Variants in SLC17A3 observed in about 807,000 individuals in gnomAD.
The protein encoded by SLC17A3 is solute carrier family 17 member 3, also known as sodium-dependent phosphate transport protein 4.
In SLC17A3, 61 loss-of-function variants were observed where a neutral mutation model predicts 60.3. That is an observed-to-expected ratio of 1.01 (90% CI 0.82 to 1.25). The LOEUF (loss-of-function observed/expected upper bound fraction) is 1.25. Among genes scored for constraint, SLC17A3 ranks in the 50% most tolerant of loss-of-function variants. The pLI is 0.00. For synonymous variants in SLC17A3, 192 were observed against 208.9 expected, an observed-to-expected ratio of 0.92 and a Z score of 0.70; for missense variants, 624 against 594.9, an observed-to-expected ratio of 1.05 and a Z score of -0.51.
chr6:25,865,304 G>A (rs1325912119), intron 2 of SLC17A3, among the ~76,000 whole-genome samples: 1 of 151,934 alleles, frequency 6.6e-6, no homozygotes, highest in Non-Finnish European at 1.5e-5. Context: ...GGGATAAAGA[G>A]GTGCCTTGAG....
rs1178486612 is a variant in SLC17A3, at chr6:25,862,359, C to T, written c.177G>A (p.Met59Ile). ...NFTTIAQNVI[M>I]NITMVAMVNS... ...TGACCATGGCTACCATGGTGATGTT[C>T]ATGATGACATTTTGTGCTATCGTTG... The change falls in exon 3 of 13, where the codon ATG (methionine) becomes ATA (isoleucine). Residue 59 changes from methionine to isoleucine, a missense_variant. By Grantham distance (10) the Met-to-Ile change is conservative. Transcript: ENST00000397060. The T allele has an allele frequency of 3.1e-6, 5 of 1,613,718 alleles. No homozygotes were observed. Among genetic ancestry groups the T allele is most frequent in the Non-Finnish European group, 4.2e-6 (5 of 1,179,744 alleles).
At chr6:25,861,556 A>G in intron 5 of SLC17A3, 68 bp downstream of exon 5, 2 of 1,265,230 alleles carry the variant, frequency 1.6e-6, no homozygotes, top group Non-Finnish European at 2.3e-6. Context: ...ATGCAATGAA[A>G]AGTTGTCAAG....
intron 1 of SLC17A3, among the ~76,000 whole-genome samples, chr6:25,873,344 T>G (rs1171723015): frequency 2.0e-5 from 3 of 152,118 alleles, no homozygotes; most frequent in Admixed American, 6.6e-5. Context: ...TATTGCACTC[T>G]GAGAAGTTTC....
rs1301094535 is a variant in SLC17A3 at position 25,850,453 on chromosome 6, A to T, written c.993+6T>A. ...AGGAGAAAGGAAGGGAAGGAAACATACTCACGTCTCTGATGTTAACATGGT... is the reference window on the plus strand; with the variant it reads ...AGGAGAAAGGAAGGGAAGGAAACATTCTCACGTCTCTGATGTTAACATGGT... On this transcript the variant is annotated splice_donor_region_variant and intron_variant, in intron 8 of 12. Transcript: ENST00000397060. The T allele has an allele frequency of 1.2e-6, 2 of 1,613,382 alleles. No individual in the cohort carries two copies. The highest frequency in any genetic ancestry group is 2.2e-5 in the South Asian group (2 of 91,042).
chr6:25,858,103 C>A (rs1301131944), intron 5 of SLC17A3, among the ~76,000 whole-genome samples: 2 of 152,082 alleles, frequency 1.3e-5, no homozygotes, highest in African/African-American at 4.8e-5. Flanking sequence ...GCAACCTCTG[C>A]CTCCTGGGTT....
At chr6:25,867,118 CA>C (rs1765548971) in intron 2 of SLC17A3, among the ~76,000 whole-genome samples, 2 of 151,964 alleles carry the variant, frequency 1.3e-5, no homozygotes, top group Non-Finnish European at 2.9e-5. Flanking sequence ...AAACACTTTG[CA>C]ATCCTTGATC....
Position 25,857,604 on chromosome 6 carries a change from C to T in SLC17A3, c.626-2374G>A, listed in dbSNP as rs780013810. ...AGTCACTTATTTACTTGTGTTGCCTCATTTAAGCCCTAGTAGTCAGATTTA... is the reference window on the plus strand; with the variant it reads ...AGTCACTTATTTACTTGTGTTGCCTTATTTAAGCCCTAGTAGTCAGATTTA... On this transcript the variant is annotated intron_variant, in intron 5 of 12. Coordinates refer to ENST00000397060, the MANE Select transcript of SLC17A3 (RefSeq NM_001098486.2). Among the ~76,000 whole-genome samples, 5 of 151,460 alleles carry T rather than the reference C, an allele frequency of 3.3e-5. No homozygotes were observed. The South Asian group carries it at 1.0e-3, about 31-fold the overall frequency.
chr6:25,846,764 C>T (rs1765181279), intron 11 of SLC17A3, among the ~76,000 whole-genome samples: 1 of 152,122 alleles, frequency 6.6e-6, no homozygotes, highest in Non-Finnish European at 1.5e-5. Context: ...GTATGCACCA[C>T]CACATCCGGC....
In SLC17A3 at chr6:25,859,012, T is replaced by C. The variant is rs146464750; in HGVS notation, c.625+2612A>G. On this transcript the variant is annotated intron_variant, in intron 5 of 12. Coordinates refer to ENST00000397060, the MANE Select transcript of SLC17A3 (RefSeq NM_001098486.2). ...AGACACTGTAATGTGTTTGCTGTAT[T>C]ATATGAGAATATTCATTTCTACCTT... is the stretch of plus-strand genomic sequence containing the variant. 8.6e-3 allele frequency among the ~76,000 whole-genome samples: 1,306 copies of C among 152,322 alleles called. 5 individuals carry two copies. Among genetic ancestry groups the C allele is most frequent in the Non-Finnish European group, 0.013 (853 of 68,032 alleles).
chr6:25,849,709 T>A (rs1374864663), intron 10 of SLC17A3, 96 bp downstream of exon 10: 5 of 1,394,466 alleles, frequency 3.6e-6, no homozygotes, highest in Non-Finnish European at 5.1e-6. Context: ...TCTTCCCCTA[T>A]GGTTTATTCA....
At position 25,849,421 on chromosome 6, in the gene SLC17A3, T is replaced by C; in HGVS notation, c.1315A>G (p.Ile439Val). Reference protein sequence around the residue: ...LMGASRGFSSIAPVIVPTVSG... With the variant: ...LMGASRGFSSVAPVIVPTVSG... ...ACAGTGGGTACAATGACAGGTGCTA[T>C]GCTCGAAAATCCTCTTGATGCTCCC... is the stretch of plus-strand genomic sequence containing the variant. The change falls in exon 11 of 13, where the codon ATA (isoleucine) becomes GTA (valine). Residue 439 changes from isoleucine to valine, a missense_variant. By Grantham distance (29) the Ile-to-Val change is conservative (BLOSUM62 3). Coordinates refer to ENST00000397060, the MANE Select transcript of SLC17A3 (RefSeq NM_001098486.2). 4 of 1,613,266 alleles carry C rather than the reference T, an allele frequency of 2.5e-6. No homozygotes were observed. The highest frequency in any genetic ancestry group is 1.1e-5 in the South Asian group (1 of 91,076).
rs1765694826 is a variant in SLC17A3, at chr6:25,874,237, T to C, written c.-104A>G. On this transcript the variant is annotated 5_prime_UTR_variant, in exon 1 of 13. Coordinates refer to ENST00000397060, the MANE Select transcript of SLC17A3 (RefSeq NM_001098486.2). Reference sequence around the variant, plus strand: ...CTCCAAGCTTACTCCCTTGGACTTTTTGGAGCAGAGAGATGAGGATTCTTT... The same window carrying C: ...CTCCAAGCTTACTCCCTTGGACTTTCTGGAGCAGAGAGATGAGGATTCTTT... 1 of 152,102 alleles carries C rather than the reference T, an allele frequency of 6.6e-6. No homozygotes were observed. The highest frequency in any genetic ancestry group is 1.5e-5 in the Non-Finnish European group (1 of 68,000). The allele number at this position is 152,102 out of a possible 1,614,324, so 9.4% of individuals were successfully genotyped here.
chr6:25,845,551 T>TTTCATA, intron 11 of SLC17A3, 35 bp from the exon 12 acceptor site: 1 of 1,611,118 alleles, frequency 6.2e-7, no homozygotes, highest in South Asian at 1.1e-5. Context: ...ATATTACCCC[T>TTTCATA]TTCATATTTT....
Position 25,845,316 on chromosome 6 carries a change from T to A in SLC17A3, c.*3-18A>T. ...TGGGATAACTAAGAAAGGAAAATGA[T>A]ATAGAATTTAAAACTTCAGCTGCTT... On this transcript the variant is annotated intron_variant, in intron 12 of 12. Transcript: ENST00000397060. 4.4e-6 allele frequency: 7 copies of A among 1,588,050 alleles called. No homozygotes were observed. In the South Asian group the frequency reaches 6.6e-5, roughly 15 times the overall value.
chr6:25,860,876 C>T (rs531273343), intron 5 of SLC17A3, among the ~76,000 whole-genome samples: 1 of 152,200 alleles, frequency 6.6e-6, no homozygotes, highest in Admixed American at 6.5e-5. Context: ...AGTGAATTTT[C>T]TGATTCCCAG....
intron 1 of SLC17A3, among the ~76,000 whole-genome samples, chr6:25,872,329 C>CAAA (rs35631811): frequency 2.1e-5 from 2 of 95,310 alleles, no homozygotes; most frequent in African/African-American, 3.3e-5. Flanking sequence ...GCTTTAACGC[C>CAAA]AAAAAAAAAA....
rs1156487359 is a variant in SLC17A3, at chr6:25,850,562, C to CA, written c.889dup (p.Trp297LeufsTer15). Reference sequence around the variant, plus strand: ...GCTGAAACAGCCTAAACATATGGACCAAATGGGTAGAGATCTGAGCATAGC... The same window carrying CA: ...GCTGAAACAGCCTAAACATATGGACCAAAATGGGTAGAGATCTGAGCATAGC... On this transcript the variant is annotated frameshift_variant, in exon 8 of 13. Coordinates refer to ENST00000397060, the MANE Select transcript of SLC17A3 (RefSeq NM_001098486.2). LOFTEE classifies it high-confidence loss of function. The CA allele has an allele frequency of 1.9e-6, 3 of 1,613,898 alleles. No individual in the cohort carries two copies. In the Admixed American group the frequency reaches 5.0e-5, roughly 27 times the overall value.
intron 1 of SLC17A3, among the ~76,000 whole-genome samples, chr6:25,871,764 T>G (rs566007257): frequency 6.6e-6 from 1 of 152,248 alleles, no homozygotes; most frequent in African/African-American, 2.4e-5. Context: ...GTTGTCTCAA[T>G]CCAAGAAATT....
intron 1 of SLC17A3, among the ~76,000 whole-genome samples, chr6:25,869,285 A>G (rs1765599267): frequency 6.6e-6 from 1 of 151,972 alleles, no homozygotes; most frequent in Non-Finnish European, 1.5e-5. Context: ...ATATTATTAA[A>G]TTTATGATTC....
Sources: gnomAD v4.1 joint callset for allele counts (sites outside exome capture counted in the v4.1 genomes callset) on GRCh38, gnomAD v4.1.1 for gene constraint, MANE v1.5 for transcripts, NCBI Gene and HGNC (gene_info 2026-07-23, HGNC 2026-07-21) for gene names.